Variants in SLC25A16 observed in about 807,000 individuals in gnomAD.
SLC25A16 encodes solute carrier family 25 member 16, also known as mitochondrial coenzyme A transporter SLC25A16.
In SLC25A16, 39 loss-of-function variants were observed where a neutral mutation model predicts 41.5. That is an observed-to-expected ratio of 0.94 (90% CI 0.73 to 1.23). The LOEUF (loss-of-function observed/expected upper bound fraction) is 1.23. Among genes scored for constraint, SLC25A16 ranks in the 50% most tolerant of loss-of-function variants. SLC25A16 has a pLI of 0.00. For missense variants in SLC25A16, 421 were observed against 426.9 expected, an observed-to-expected ratio of 0.99 and a Z score of 0.12; for synonymous variants, 146 against 147.8, an observed-to-expected ratio of 0.99 and a Z score of 0.09.
At chr10:68,491,038 G>A (rs2052649112) in intron 6 of SLC25A16, among the ~76,000 whole-genome samples, 1 of 151,764 alleles carries the variant, frequency 6.6e-6, no homozygotes, top group African/African-American at 2.4e-5. Context: ...CACCAAGCCT[G>A]GCTAATTTTA....
intron 2 of SLC25A16, among the ~76,000 whole-genome samples, chr10:68,506,943 AAAC>A (rs148024908): frequency 0.024 from 3,683 of 152,192 alleles, 154 homozygotes; most frequent in African/African-American, 0.084. Context: ...CCTACTGTAG[AAAC>A]AACTACAAAT....
intron 1 of SLC25A16, among the ~76,000 whole-genome samples, chr10:68,520,482 C>G (rs758608089): frequency 1.3e-5 from 2 of 151,996 alleles, no homozygotes; most frequent in Non-Finnish European, 2.9e-5. Flanking sequence ...TCAAGACCAG[C>G]CTGGCCAACT....
Position 68,527,495 on chromosome 10 carries a change from C to G in SLC25A16, c.-120G>C, listed in dbSNP as rs975555373. On this transcript the variant is annotated 5_prime_UTR_variant, in exon 1 of 9. Coordinates refer to ENST00000609923, the MANE Select transcript of SLC25A16 (RefSeq NM_152707.4). ...CCCGCCGGCGGGGCAAAGTAACACC[C>G]GGCGGCGCGGCGCCGGCTGATGGCG... 1 of 932,592 alleles carries G rather than the reference C, an allele frequency of 1.1e-6. No individual in the cohort carries two copies. The highest frequency in any genetic ancestry group is 1.8e-5 in the African/African-American group (1 of 56,490). 57.8% of individuals were successfully genotyped at this position (932,592 alleles called of 1,614,324 possible). A position where few individuals can be genotyped will look rare whatever the true frequency, so the allele number is the denominator to read the frequency against.
At position 68,490,233 on chromosome 10, in the gene SLC25A16, G is replaced by A. The variant is rs530047624; in HGVS notation, c.611-1604C>T. Among the ~76,000 whole-genome samples, 144 of 151,762 alleles carry A rather than the reference G, an allele frequency of 9.5e-4. 4 individuals are homozygous for A. The South Asian group carries it at 0.029, about 31-fold the overall frequency. ...AGCCACAATTGCACCACTGCACTCAGCTATGATTGCACCACTGCACTCCAG... is the reference window on the plus strand; with the variant it reads ...AGCCACAATTGCACCACTGCACTCAACTATGATTGCACCACTGCACTCCAG... On this transcript the variant is annotated intron_variant, in intron 6 of 8. Transcript: ENST00000609923.
rs1182706644 is a variant in SLC25A16, at chr10:68,487,143, C to A, written c.842+1G>T. ...TGAACAATGACATATGATGAACTTACAGGCACTTTTCAAATTCCGGCAGAA... is the reference window on the plus strand; with the variant it reads ...TGAACAATGACATATGATGAACTTAAAGGCACTTTTCAAATTCCGGCAGAA... On this transcript the variant is annotated splice_donor_variant, in intron 8 of 8. Transcript: ENST00000609923. LOFTEE classifies it high-confidence loss of function. 11 of 1,610,060 alleles carry A rather than the reference C, an allele frequency of 6.8e-6. No homozygotes were observed. Among genetic ancestry groups the A allele is most frequent in the Non-Finnish European group, 9.3e-6 (11 of 1,176,760 alleles).
rs1222061248 is a variant in SLC25A16 at position 68,527,520 on chromosome 10, G to T, written c.-145C>A. 4 of 728,674 alleles carry T rather than the reference G, an allele frequency of 5.5e-6. No homozygotes were observed. The highest frequency in any genetic ancestry group is 8.4e-6 in the Non-Finnish European group (4 of 475,442). 45.1% of individuals were successfully genotyped at this position (728,674 alleles called of 1,614,324 possible). A position where few individuals can be genotyped will look rare whatever the true frequency, so the allele number is the denominator to read the frequency against. On this transcript the variant is annotated 5_prime_UTR_variant, in exon 1 of 9. Coordinates refer to ENST00000609923, the MANE Select transcript of SLC25A16 (RefSeq NM_152707.4). ...CGGCGGCGCGGCGCCGGCTGATGGCGTACAGCAAGGGCGGGGCCTGTGTCA... is the reference window on the plus strand; with the variant it reads ...CGGCGGCGCGGCGCCGGCTGATGGCTTACAGCAAGGGCGGGGCCTGTGTCA...
chr10:68,495,781 C>CAA lies in SLC25A16; in HGVS notation c.422-2213_422-2212dup, dbSNP rs60845242. Among the ~76,000 whole-genome samples, 671 of 89,630 alleles carry CAA rather than the reference C, an allele frequency of 7.5e-3. 22 individuals are homozygous for CAA. Among genetic ancestry groups the CAA allele is most frequent in the African/African-American group, 0.017 (412 of 23,832 alleles). 58.8% of individuals were successfully genotyped at this position (89,630 alleles called of 152,430 possible). On this transcript the variant is annotated intron_variant, in intron 4 of 8. Coordinates refer to ENST00000609923, the MANE Select transcript of SLC25A16 (RefSeq NM_152707.4). ...TGGGCAACAGAGTTAGACTATGTCT[C>CAA]AAAAAAAAAAAAAAAAAAAAGAGAA...
intron 4 of SLC25A16, among the ~76,000 whole-genome samples, chr10:68,501,020 G>A (rs755956619): frequency 6.6e-6 from 1 of 151,854 alleles, no homozygotes; most frequent in Non-Finnish European, 1.5e-5. Flanking sequence ...GGAGGGCCGA[G>A]GTGGGCGAAT....
chr10:68,513,751 A>G (rs2053109934), intron 2 of SLC25A16, among the ~76,000 whole-genome samples: 1 of 152,048 alleles, frequency 6.6e-6, no homozygotes, highest in Non-Finnish European at 1.5e-5. Flanking sequence ...TTAACTGGAC[A>G]TGGTGGCACA....
rs372599472 is a variant in SLC25A16, at chr10:68,487,233, A to G, written c.774-21T>C. 4 of 1,607,934 alleles carry G rather than the reference A, an allele frequency of 2.5e-6. No individual in the cohort carries two copies. In the South Asian group the frequency reaches 4.4e-5, roughly 18 times the overall value. On this transcript the variant is annotated intron_variant, in intron 7 of 8. Transcript: ENST00000609923. ...GGTAGCTAAAAGAAGAAAAAGGCATAAAGAATTAAAAATTTTTGGTTTTCT... is the reference window on the plus strand; with the variant it reads ...GGTAGCTAAAAGAAGAAAAAGGCATGAAGAATTAAAAATTTTTGGTTTTCT...
At chr10:68,505,986 T>G (rs1024996983) in intron 3 of SLC25A16, among the ~76,000 whole-genome samples, 1 of 149,584 alleles carries the variant, frequency 6.7e-6, no homozygotes, top group Non-Finnish European at 1.5e-5. Flanking sequence ...GAGCCAAGAG[T>G]GCACCACTGC....
chr10:68,513,664 C>A (rs1281638588), intron 2 of SLC25A16, among the ~76,000 whole-genome samples: 1 of 151,972 alleles, frequency 6.6e-6, no homozygotes, highest in African/African-American at 2.4e-5. Context: ...ACAAGGCGGG[C>A]AGGTCACCTG....
At chr10:68,524,485 G>A (rs2053303546) in intron 1 of SLC25A16, among the ~76,000 whole-genome samples, 1 of 151,662 alleles carries the variant, frequency 6.6e-6, no homozygotes, top group Admixed American at 6.6e-5. Context: ...AGGTTGCAGT[G>A]AGCTGAGATG....
chr10:68,487,664 G>A (rs1005781479), intron 7 of SLC25A16, among the ~76,000 whole-genome samples: 1 of 152,142 alleles, frequency 6.6e-6, no homozygotes, highest in Non-Finnish European at 1.5e-5. Context: ...TCTCCCAGCT[G>A]TGACAACCAA....
chr10:68,491,791 CT>C (rs2052662651), intron 6 of SLC25A16, among the ~76,000 whole-genome samples: 1 of 107,418 alleles, frequency 9.3e-6, no homozygotes, highest in Admixed American at 1.1e-4. Context: ...TAGTAAACTT[CT>C]CTCTGTTTGC....
intron 1 of SLC25A16, among the ~76,000 whole-genome samples, chr10:68,525,519 T>A (rs1300329987): frequency 2.0e-5 from 3 of 152,168 alleles, no homozygotes. Flanking sequence ...AGTGGTGTGA[T>A]CATGGCTTAC....
chr10:68,484,405 C>G (rs574273663), intron 8 of SLC25A16, among the ~76,000 whole-genome samples: 2 of 151,068 alleles, frequency 1.3e-5, no homozygotes, highest in Admixed American at 1.3e-4. Flanking sequence ...GCAATCTGGA[C>G]CGAAATCTTT....
intron 8 of SLC25A16, among the ~76,000 whole-genome samples, chr10:68,485,323 C>T (rs140528838): frequency 2.3e-4 from 35 of 152,298 alleles, no homozygotes; most frequent in African/African-American, 7.9e-4. Context: ...ATCTCCTGAC[C>T]TTGTGATCCT....
At chr10:68,493,720 T>C (rs377724007) in intron 4 of SLC25A16, 150 bp from the exon 5 acceptor site, 1 of 656,408 alleles carries the variant, frequency 1.5e-6, no homozygotes, top group Non-Finnish European at 2.6e-6. Flanking sequence ...ACCATATCAT[T>C]AGATGGAAAA....
Sources: allele counts gnomAD v4.1 joint callset (sites outside exome capture counted in the v4.1 genomes callset), GRCh38; gene constraint gnomAD v4.1.1; transcripts MANE v1.5; gene names NCBI Gene and HGNC (gene_info 2026-07-23, HGNC 2026-07-21).